The following PLXDC2 variants were observed in gnomAD, a reference collection of about 807,000 sequenced individuals.
PLXDC2 encodes the protein plexin domain containing 2.
PLXDC2 carries 40 observed loss-of-function variants against 68.9 expected under a neutral mutation model. The ratio of observed to expected loss-of-function variants is 0.58; its 90% CI spans 0.45 to 0.76. The LOEUF is 0.76. PLXDC2 is among the 30% of genes least tolerant of loss of function. PLXDC2 has a pLI of 0.00. For missense variants in PLXDC2, 644 were observed against 661.9 expected, an observed-to-expected ratio of 0.97 and a Z score of 0.30; for synonymous variants, 243 against 234.2, an observed-to-expected ratio of 1.04 and a Z score of -0.34.
intron 4 of PLXDC2, among the ~76,000 whole-genome samples, chr10:20,101,264 T>G (rs7090580): frequency 0.64 from 97,871 of 151,976 alleles, 33,074 homozygotes; most frequent in East Asian, 1. Flanking sequence ...AGCTCAGCCA[T>G]TATCAGAAAG....
chr10:20,103,554 A>C (rs1223202602), intron 4 of PLXDC2, among the ~76,000 whole-genome samples: 2 of 151,948 alleles, frequency 1.3e-5, no homozygotes, highest in Non-Finnish European at 2.9e-5. Flanking sequence ...ATAGCATCAT[A>C]GCTGGAAGAG....
chr10:20,041,517 A>G (rs1835681321), intron 2 of PLXDC2, among the ~76,000 whole-genome samples: 2 of 152,302 alleles, frequency 1.3e-5, no homozygotes, highest in South Asian at 4.1e-4. Context: ...TTCTATGGCA[A>G]ATTTTCTTGA....
chr10:20,121,347 C>T (rs1466999481), intron 4 of PLXDC2, among the ~76,000 whole-genome samples: 9 of 152,192 alleles, frequency 5.9e-5, no homozygotes, highest in African/African-American at 1.4e-4. Flanking sequence ...GAATTCTGAC[C>T]GCACTAACCA....
chr10:19,866,094 C>T (rs763466337), intron 1 of PLXDC2, among the ~76,000 whole-genome samples: 1 of 152,034 alleles, frequency 6.6e-6, no homozygotes, highest in Non-Finnish European at 1.5e-5. Flanking sequence ...TTTCTTGGCT[C>T]TTTAGAATGA....
At chr10:20,277,671 C>G (rs1836026324) in intron 13 of PLXDC2, among the ~76,000 whole-genome samples, 1 of 152,120 alleles carries the variant, frequency 6.6e-6, no homozygotes, top group African/African-American at 2.4e-5. Flanking sequence ...GTTGTTATGA[C>G]TAAGACTGAG....
intron 12 of PLXDC2, 133 bp downstream of exon 12, chr10:20,219,235 C>A: frequency 1.1e-6 from 1 of 940,588 alleles, no homozygotes; most frequent in Non-Finnish European, 1.5e-6. Flanking sequence ...TGGGATTTAA[C>A]ATGGGAAGGA....
chr10:20,192,219 G>A (rs932404983), intron 9 of PLXDC2, among the ~76,000 whole-genome samples: 3 of 151,972 alleles, frequency 2.0e-5, no homozygotes, highest in East Asian at 1.9e-4. Flanking sequence ...TTTGCTACAC[G>A]TAGCCTTACC....
At chr10:20,057,128 TAACATGAGTGTA>T (rs1332022065) in intron 3 of PLXDC2, among the ~76,000 whole-genome samples, 1 of 152,144 alleles carries the variant, frequency 6.6e-6, no homozygotes, top group Non-Finnish European at 1.5e-5. Flanking sequence ...TAATTTTACA[TAACATGAGTGTA>T]AAACATATTC....
intron 2 of PLXDC2, among the ~76,000 whole-genome samples, chr10:20,033,721 A>G (rs1241378764): frequency 1.3e-5 from 2 of 152,172 alleles, no homozygotes; most frequent in Non-Finnish European, 2.9e-5. Flanking sequence ...CCATGATTCA[A>G]TTACCTCCCT....
intron 2 of PLXDC2, among the ~76,000 whole-genome samples, chr10:20,008,269 T>A (rs111325599): frequency 1.3e-5 from 2 of 152,226 alleles, no homozygotes; most frequent in African/African-American, 4.8e-5. Flanking sequence ...AAAAAAAGAA[T>A]GTAGGCCAGG....
chr10:20,129,199 T>A (rs1434055340), intron 4 of PLXDC2, among the ~76,000 whole-genome samples: 1 of 152,216 alleles, frequency 6.6e-6, no homozygotes, highest in Non-Finnish European at 1.5e-5. Context: ...TATTTTATTC[T>A]GGTTTTTATT....
At chr10:20,132,406 T>A (rs1278165803) in intron 4 of PLXDC2, among the ~76,000 whole-genome samples, 2 of 152,186 alleles carry the variant, frequency 1.3e-5, no homozygotes, top group African/African-American at 2.4e-5. Flanking sequence ...TTATGGATTG[T>A]TTTTGTCTGG....
chr10:20,101,909 C>T (rs1401948163), intron 4 of PLXDC2, among the ~76,000 whole-genome samples: 5 of 151,908 alleles, frequency 3.3e-5, no homozygotes, highest in Non-Finnish European at 7.4e-5. Flanking sequence ...GCAATTCTCC[C>T]GCCTCAGCTT....
In PLXDC2 at chr10:19,869,781, T is replaced by C. The variant is rs545349226; in HGVS notation, c.112+52590T>C. On this transcript the variant is annotated intron_variant, in intron 1 of 13. Coordinates refer to ENST00000377252, the MANE Select transcript of PLXDC2 (RefSeq NM_032812.9). Reference sequence around the variant, plus strand: ...GCTATAGCTTTGTTAGTTATTATTATCTTTTTAATTTTTTTTAACTCCCCC... The same window carrying C: ...GCTATAGCTTTGTTAGTTATTATTACCTTTTTAATTTTTTTTAACTCCCCC... 1.7e-3 allele frequency among the ~76,000 whole-genome samples: 253 copies of C among 152,300 alleles called. 1 individual carries two copies. The highest frequency in any genetic ancestry group is 3.4e-3 in the Middle Eastern group (1 of 294).
At chr10:20,227,854 A>C (rs1835306696) in intron 12 of PLXDC2, among the ~76,000 whole-genome samples, 1 of 152,196 alleles carries the variant, frequency 6.6e-6, no homozygotes, top group Admixed American at 6.5e-5. Context: ...CCATAGAAGC[A>C]ATGGTCAGAG....
chr10:20,120,491 G>C (rs1307602117), intron 4 of PLXDC2, among the ~76,000 whole-genome samples: 2 of 152,264 alleles, frequency 1.3e-5, no homozygotes, highest in East Asian at 1.9e-4. Flanking sequence ...AATAAAGGCT[G>C]GTCTGTTATC....
chr10:20,114,025 G>A (rs190873253), intron 4 of PLXDC2, among the ~76,000 whole-genome samples: 4 of 152,326 alleles, frequency 2.6e-5, no homozygotes, highest in East Asian at 1.9e-4. Flanking sequence ...TCAGGAGGCT[G>A]AGGCAGGGGG....
intron 3 of PLXDC2, among the ~76,000 whole-genome samples, chr10:20,055,240 TA>T (rs1835976344): frequency 6.6e-6 from 1 of 152,136 alleles, no homozygotes; most frequent in South Asian, 2.1e-4. Flanking sequence ...AAATTTCATT[TA>T]AAAAATTAAG....
intron 6 of PLXDC2, among the ~76,000 whole-genome samples, chr10:20,162,513 T>G (rs975658552): frequency 6.6e-6 from 1 of 152,170 alleles, no homozygotes; most frequent in Admixed American, 6.5e-5. Flanking sequence ...CATTAATAGA[T>G]GCTTGCTTCT....
Sources: gnomAD v4.1 joint callset for allele counts (sites outside exome capture counted in the v4.1 genomes callset) on GRCh38, gnomAD v4.1.1 for gene constraint, MANE v1.5 for transcripts, NCBI Gene and HGNC (gene_info 2026-07-23, HGNC 2026-07-21) for gene names.